The following PCDHGA3 variants were observed in gnomAD, a reference collection of about 807,000 sequenced individuals.
PCDHGA3 encodes protocadherin gamma subfamily A, 3.
PCDHGA3 carries 40 observed loss-of-function variants against 58.5 expected under a neutral mutation model. That is an observed-to-expected ratio of 0.68 (90% confidence interval 0.53 to 0.89). PCDHGA3 has a LOEUF of 0.89. PCDHGA3 is among the 40% of genes least tolerant of loss of function. PCDHGA3 has a pLI of 0.00. For missense variants in PCDHGA3, 1,223 were observed against 1,195.9 expected (o/e 1.02, Z -0.33); for synonymous variants, 530 against 525.7 (o/e 1.01, Z -0.11).
intron 1 of PCDHGA3, among the ~76,000 whole-genome samples, chr5:141,483,646 GTT>G (rs2099584256): frequency 6.8e-6 from 1 of 146,706 alleles, no homozygotes; most frequent in Admixed American, 6.7e-5. Flanking sequence ...AGGGGTGTGT[GTT>G]TGTGTGTGTG....
chr5:141,478,293 T>C (rs2099444312), intron 1 of PCDHGA3: 2 of 1,614,026 alleles, frequency 1.2e-6, no homozygotes. Context: ...TCTAGAGACC[T>C]ATACCGAGCC....
At chr5:141,454,313 G>A (rs986902404) in intron 1 of PCDHGA3, among the ~76,000 whole-genome samples, 1 of 152,296 alleles carries the variant, frequency 6.6e-6, no homozygotes, top group Non-Finnish European at 1.5e-5. Context: ...TCAAAGCATT[G>A]AAACCTCCAA....
intron 1 of PCDHGA3, chr5:141,423,450 T>G (rs571358720): frequency 1.2e-6 from 2 of 1,614,050 alleles, no homozygotes; most frequent in East Asian, 4.5e-5. Flanking sequence ...CGTCACATTT[T>G]GTAGGCGTGG....
At chr5:141,458,485 A>G (rs2098946793) in intron 1 of PCDHGA3, among the ~76,000 whole-genome samples, 1 of 151,558 alleles carries the variant, frequency 6.6e-6, no homozygotes, top group Non-Finnish European at 1.5e-5. Context: ...GAAAATGAGG[A>G]CTGCCTGTAC....
intron 1 of PCDHGA3, among the ~76,000 whole-genome samples, chr5:141,446,882 G>A (rs1419213225): frequency 1.3e-5 from 2 of 152,086 alleles, no homozygotes; most frequent in African/African-American, 4.8e-5. Flanking sequence ...TATGTTTTGG[G>A]GTTCATGGCT....
chr5:141,395,158 A>G, intron 1 of PCDHGA3: 2 of 1,614,208 alleles, frequency 1.2e-6, no homozygotes, highest in Non-Finnish European at 1.7e-6. Context: ...CTCATCAGTC[A>G]GGAGGGCTGT....
intron 1 of PCDHGA3, chr5:141,405,413 T>C: frequency 6.4e-7 from 1 of 1,561,606 alleles, no homozygotes; most frequent in South Asian, 1.2e-5. Context: ...TTTTCTTTTT[T>C]TGTTTTTTGT....
chr5:141,360,388 C>T, intron 1 of PCDHGA3: 3 of 1,613,908 alleles, frequency 1.9e-6, no homozygotes, highest in Non-Finnish European at 2.5e-6. Flanking sequence ...CGGAGACTTA[C>T]TTGTGAGTGA....
intron 1 of PCDHGA3, among the ~76,000 whole-genome samples, chr5:141,358,517 T>C (rs1342877087): frequency 6.6e-6 from 1 of 152,238 alleles, no homozygotes; most frequent in African/African-American, 2.4e-5. Flanking sequence ...CTCAATGAAC[T>C]GGTATATTTC....
chr5:141,477,469 T>C lies in PCDHGA3; in HGVS notation c.2425-17338T>C, dbSNP rs2099411540. ...TGCGTGTTCAAGTGTCCGACATCAA[T>C]GACAACCCTCCACAATCTTCTCAAT... On this transcript the variant is annotated intron_variant, in intron 1 of 3. Coordinates refer to ENST00000253812, the MANE Select transcript of PCDHGA3 (RefSeq NM_018916.4). The surrounding 1 kb of genome is among the most constrained non-coding windows in gnomAD (Gnocchi z 4.9). 6.2e-7 allele frequency: 1 copy of C among 1,614,028 alleles called. No homozygotes were observed. Among genetic ancestry groups the C allele is most frequent in the South Asian group, 1.1e-5 (1 of 91,078 alleles).
intron 1 of PCDHGA3, among the ~76,000 whole-genome samples, chr5:141,445,277 A>G (rs769047096): frequency 6.6e-6 from 1 of 152,256 alleles, no homozygotes; most frequent in African/African-American, 2.4e-5. Flanking sequence ...ACCACTCTGC[A>G]TAAGTTCAGG....
At position 141,392,979 on chromosome 5, in the gene PCDHGA3, C is replaced by A. The variant is rs1356713892; in HGVS notation, c.2424+46522C>A. 1.9e-6 allele frequency: 3 copies of A among 1,613,718 alleles called. No individual in the cohort carries two copies. In the South Asian group the frequency reaches 3.3e-5, roughly 18 times the overall value. ...TATCTCCAAGGACCTGGGGCTGGACCCCCGGAAGCTGGCGAAGCACGGAGT... is the reference window on the plus strand; with the variant it reads ...TATCTCCAAGGACCTGGGGCTGGACACCCGGAAGCTGGCGAAGCACGGAGT... On this transcript the variant is annotated intron_variant, in intron 1 of 3. Transcript: ENST00000253812.
At position 141,409,172 on chromosome 5, in the gene PCDHGA3, G is replaced by T. The variant is rs574905228; in HGVS notation, c.2424+62715G>T. ...CACCATGGAAGTGGAAGCGAAGGAC[G>T]GAGGTGGTCTCTCTACCCAGTGTAA... On this transcript the variant is annotated intron_variant, in intron 1 of 3. Coordinates refer to ENST00000253812, the MANE Select transcript of PCDHGA3 (RefSeq NM_018916.4). The T allele has an allele frequency of 1.4e-5, 22 of 1,614,006 alleles. No homozygotes were observed. In the South Asian group the frequency reaches 2.4e-4, roughly 18 times the overall value.
chr5:141,396,439 T>C (rs1191341482), intron 1 of PCDHGA3: 1 of 152,138 alleles, frequency 6.6e-6, no homozygotes, highest in African/African-American at 2.4e-5. Flanking sequence ...GCAAACATGG[T>C]GAAACCCCGT....
intron 2 of PCDHGA3, among the ~76,000 whole-genome samples, chr5:141,504,008 C>G (rs2099835164): frequency 6.6e-6 from 1 of 152,208 alleles, no homozygotes; most frequent in South Asian, 2.1e-4. Flanking sequence ...ACTTAACTGT[C>G]TCTGCTGGTC....
chr5:141,437,346 T>C (rs143931647), intron 1 of PCDHGA3, among the ~76,000 whole-genome samples: 2 of 152,380 alleles, frequency 1.3e-5, no homozygotes, highest in East Asian at 3.9e-4. Flanking sequence ...CACTGTTTTA[T>C]AGTACCTAAA....
Position 141,346,029 on chromosome 5 carries a change from G to T in PCDHGA3, c.1996G>T (p.Asp666Tyr), listed in dbSNP as rs1487000938. ...ATVTLTVAVADRIPDILADLG... is the reference protein window; with the variant it reads ...ATVTLTVAVAYRIPDILADLG... ...TGTCACGCTCACCGTGGCCGTGGCC[G>T]ACAGGATCCCCGACATCCTGGCCGA... is the stretch of plus-strand genomic sequence containing the variant. Residue 666 changes from aspartate (D) to tyrosine (Y), a missense_variant, in exon 1 of 4, where the codon GAC becomes TAC. Coordinates refer to ENST00000253812, the MANE Select transcript of PCDHGA3 (RefSeq NM_018916.4). 1 of 1,613,520 alleles carries T rather than the reference G, an allele frequency of 6.2e-7. No homozygotes were observed. The highest frequency in any genetic ancestry group is 2.2e-5 in the East Asian group (1 of 44,866).
At chr5:141,433,150 G>C (rs1466566074) in intron 1 of PCDHGA3, 5 of 1,613,936 alleles carry the variant, frequency 3.1e-6, no homozygotes, top group Middle Eastern at 1.6e-4. Flanking sequence ...CAGGTGATTC[G>C]GTATTTTCTA....
At chr5:141,447,433 C>T (rs756021616) in intron 1 of PCDHGA3, among the ~76,000 whole-genome samples, 5 of 152,118 alleles carry the variant, frequency 3.3e-5, no homozygotes, top group African/African-American at 7.2e-5. Context: ...CCACCGCACC[C>T]GGAGGAAATT....
Sources: gnomAD v4.1 joint callset for allele counts (sites outside exome capture counted in the v4.1 genomes callset) on GRCh38, gnomAD v4.1.1 for gene constraint, Gnocchi (gnomAD v3.1) non-coding constraint, MANE v1.5 for transcripts, NCBI Gene and HGNC (gene_info 2026-07-23, HGNC 2026-07-21) for gene names.